Variants in SYNJ1 observed in about 807,000 individuals in gnomAD.
SYNJ1 encodes the protein synaptojanin 1.
Under a neutral mutation model 168.2 loss-of-function variants are expected in SYNJ1, and 78 were observed. That is an observed-to-expected ratio of 0.46 (90% confidence interval 0.39 to 0.56). SYNJ1 has a LOEUF of 0.56. Among genes scored for constraint, SYNJ1 ranks in the 20% least tolerant of loss-of-function variants. SYNJ1 has a pLI of 0.00. For synonymous variants in SYNJ1, 539 were observed against 548.6 expected, an observed-to-expected ratio of 0.98 and a Z score of 0.24; for missense variants, 1,303 against 1,597.6, an observed-to-expected ratio of 0.82 and a Z score of 3.14.
rs2040478445 is a variant in SYNJ1, at chr21:32,656,902, C to T, written c.2580G>A (p.Arg860=). 6.2e-7 allele frequency: 1 copy of T among 1,613,434 alleles called. No individual in the cohort carries two copies. Among genetic ancestry groups the T allele is most frequent in the East Asian group, 2.2e-5 (1 of 44,870 alleles). ...GRAELKTSDH[R]PVVALIDIDI... The stretch of plus-strand genomic sequence containing the variant: ...CTATATCAATCAGGGCAACGACAGG[C>T]CTTAAGGCATAAAGGAAGATAGATG... Residue 860 remains arginine (R), a splice_region_variant and synonymous_variant, in exon 21 of 33, where the codon AGG becomes AGA. Transcript: ENST00000674351.
intron 4 of SYNJ1, among the ~76,000 whole-genome samples, chr21:32,699,058 C>A (rs1223974223): frequency 6.6e-6 from 1 of 152,110 alleles, no homozygotes; most frequent in East Asian, 1.9e-4. Context: ...ACATTGGCTG[C>A]CTGCCATGCT....
chr21:32,663,674 T>G (rs1033918603), intron 18 of SYNJ1, among the ~76,000 whole-genome samples: 4 of 152,168 alleles, frequency 2.6e-5, no homozygotes, highest in Admixed American at 2.6e-4. Flanking sequence ...GAGAGAATCA[T>G]ACAATATTAC....
At chr21:32,690,121 T>C (rs955772203) in intron 6 of SYNJ1, among the ~76,000 whole-genome samples, 1 of 152,206 alleles carries the variant, frequency 6.6e-6, no homozygotes, top group Non-Finnish European at 1.5e-5. Context: ...TATGGTTGTT[T>C]TCCACCACTC....
rs374988891 is a variant in SYNJ1 at position 32,630,993 on chromosome 21, C to T, written c.*812G>A. 8.9e-5 allele frequency: 143 copies of T among 1,608,854 alleles called. No homozygotes were observed. The highest frequency in any genetic ancestry group is 1.7e-4 in the Middle Eastern group (1 of 6,034). ...GTACCCACTGTTTTCTATTGCATGG[C>T]GTTATCTTTCTGTAAAGTCCAGTGT... On this transcript the variant is annotated 3_prime_UTR_variant, in exon 33 of 33. Transcript: ENST00000674351.
At chr21:32,666,960 A>G (rs1427888272) in intron 15 of SYNJ1, among the ~76,000 whole-genome samples, 1 of 152,176 alleles carries the variant, frequency 6.6e-6, no homozygotes, top group Non-Finnish European at 1.5e-5. Flanking sequence ...CCTTACATAA[A>G]ATGGAGTAAT....
chr21:32,723,239 G>C (rs1452898615), intron 2 of SYNJ1, among the ~76,000 whole-genome samples: 1 of 152,138 alleles, frequency 6.6e-6, no homozygotes, highest in East Asian at 1.9e-4. Flanking sequence ...GCAATCTTTT[G>C]GTATGTGCTA....
intron 23 of SYNJ1, among the ~76,000 whole-genome samples, chr21:32,648,682 T>C (rs2040162761): frequency 1.3e-5 from 2 of 152,220 alleles, no homozygotes; most frequent in African/African-American, 2.4e-5. Flanking sequence ...CCATATTCGA[T>C]TCATTCTCTT....
At chr21:32,724,216 G>T (rs971144505) in intron 2 of SYNJ1, among the ~76,000 whole-genome samples, 6 of 151,966 alleles carry the variant, frequency 3.9e-5, no homozygotes, top group Admixed American at 6.6e-5. Flanking sequence ...GGCTGGGCGC[G>T]GTGGCTCACG....
At position 32,641,942 on chromosome 21, in the gene SYNJ1, G is replaced by C. The variant is rs747574564; in HGVS notation, c.3542C>G (p.Ala1181Gly). ...AGCAGGTCCTGGGCCTGCAAGTCCT[G>C]CTTGAGGTGAAGGCTGACTGCGTCC... ...NIGRSQPSPQ[A>G]GLAGPGPAGY... Residue 1181 changes from alanine to glycine, a missense_variant, in exon 29 of 33, where the codon GCA becomes GGA. Ala to Gly is a moderately conservative substitution (Grantham distance 60, BLOSUM62 0). Coordinates refer to ENST00000674351, the MANE Select transcript of SYNJ1 (RefSeq NM_203446.3). The C allele has an allele frequency of 1.2e-6, 2 of 1,613,910 alleles. No homozygotes were observed. The highest frequency in any genetic ancestry group is 1.7e-6 in the Non-Finnish European group (2 of 1,179,934).
chr21:32,683,499 G>A (rs2041702803), intron 10 of SYNJ1, among the ~76,000 whole-genome samples: 1 of 152,030 alleles, frequency 6.6e-6, no homozygotes, highest in African/African-American at 2.4e-5. Context: ...TATCAGAGAA[G>A]TTGAATTGCA....
intron 2 of SYNJ1, among the ~76,000 whole-genome samples, chr21:32,706,884 A>C (rs995796518): frequency 5.3e-5 from 8 of 152,242 alleles, no homozygotes; most frequent in African/African-American, 1.9e-4. Context: ...ATTATTTAAA[A>C]TAAGAAAGGC....
intron 19 of SYNJ1, 32 bp downstream of exon 19, chr21:32,657,684 G>A (rs1288596866): frequency 6.4e-7 from 1 of 1,561,022 alleles, no homozygotes; most frequent in Non-Finnish European, 8.6e-7. Context: ...GTTTACATTA[G>A]TTCATTTAAA....
In SYNJ1 at chr21:32,632,230, T is replaced by C. The variant is rs978506883; in HGVS notation, c.*4-429A>G. Among the ~76,000 whole-genome samples, 10 of 152,368 alleles carry C rather than the reference T, an allele frequency of 6.6e-5. 1 individual carries two copies. The South Asian group carries it at 2.1e-3, about 32-fold the overall frequency. ...CTATGATGATGATGTGGTTTCATTG[T>C]TCTTTTAAGTGTGTTTTCTAAAATT... is the stretch of plus-strand genomic sequence containing the variant. On this transcript the variant is annotated intron_variant, in intron 32 of 32. Coordinates refer to ENST00000674351, the MANE Select transcript of SYNJ1 (RefSeq NM_203446.3).
At chr21:32,651,338 G>C (rs2040263143) in intron 22 of SYNJ1, among the ~76,000 whole-genome samples, 1 of 152,168 alleles carries the variant, frequency 6.6e-6, no homozygotes, top group African/African-American at 2.4e-5. Context: ...ATCTTCCTTG[G>C]CTCAAAGTGT....
At chr21:32,684,684 T>C (rs1376650957) in intron 9 of SYNJ1, among the ~76,000 whole-genome samples, 1 of 152,242 alleles carries the variant, frequency 6.6e-6, no homozygotes, top group South Asian at 2.1e-4. Context: ...CACTTCTATT[T>C]GCATTTAATA....
chr21:32,673,027 A>C (rs1415515586), intron 14 of SYNJ1, among the ~76,000 whole-genome samples: 1 of 152,216 alleles, frequency 6.6e-6, no homozygotes, highest in African/African-American at 2.4e-5. Context: ...AAACAAAACT[A>C]GATTTTCTTA....
chr21:32,682,477 A>C (rs547256116), intron 10 of SYNJ1, among the ~76,000 whole-genome samples: 2 of 152,330 alleles, frequency 1.3e-5, no homozygotes, highest in African/African-American at 4.8e-5. Context: ...AGCTAAAATA[A>C]GATTAAAAAA....
intron 29 of SYNJ1, among the ~76,000 whole-genome samples, chr21:32,640,990 A>C (rs1340675400): frequency 6.6e-6 from 1 of 152,222 alleles, no homozygotes; most frequent in African/African-American, 2.4e-5. Flanking sequence ...GGATCAGTGA[A>C]TGGCAAATTT....
At chr21:32,660,774 T>C (rs1280529375) in intron 18 of SYNJ1, among the ~76,000 whole-genome samples, 1 of 152,018 alleles carries the variant, frequency 6.6e-6, no homozygotes, top group Non-Finnish European at 1.5e-5. Context: ...TCCAAGTGCA[T>C]GGAGCATTAT....
Sources: allele counts gnomAD v4.1 joint callset (sites outside exome capture counted in the v4.1 genomes callset), GRCh38; gene constraint gnomAD v4.1.1; transcripts MANE v1.5; gene names NCBI Gene and HGNC (gene_info 2026-07-23, HGNC 2026-07-21).